The following DHX16 variants were observed in gnomAD, a reference collection of about 807,000 sequenced individuals.
DHX16 encodes the protein DEAH-box helicase 16, also known as pre-mRNA-splicing factor ATP-dependent RNA helicase DHX16.
In DHX16, 81 loss-of-function variants were observed where a neutral mutation model predicts 131.2. That is an observed-to-expected ratio of 0.62 (90% CI 0.52 to 0.74). DHX16 has a LOEUF of 0.74. DHX16 is among the 30% of genes least tolerant of loss of function. The pLI, the probability that DHX16 is intolerant of heterozygous loss-of-function variation, is 0.00. For missense variants in DHX16, 980 were observed against 1,363.1 expected, an observed-to-expected ratio of 0.72 and a Z score of 4.43; for synonymous variants, 440 against 520.2, an observed-to-expected ratio of 0.85 and a Z score of 2.10.
chr6:30,656,843 T>C lies in DHX16; in HGVS notation c.2149-84A>G. The C allele has an allele frequency of 6.3e-7, 1 of 1,596,672 alleles. No individual in the cohort carries two copies. The highest frequency in any genetic ancestry group is 8.5e-7 in the Non-Finnish European group (1 of 1,171,674). ...TATTTATGCAAGAAATCTGGAAGGATGCAAACTGCTCATCCCGGTTCCCTA... is the reference window on the plus strand; with the variant it reads ...TATTTATGCAAGAAATCTGGAAGGACGCAAACTGCTCATCCCGGTTCCCTA... On this transcript the variant is annotated intron_variant, in intron 13 of 19. Transcript: ENST00000376442. This position sits in a 1 kb window ranked among gnomAD's most constrained non-coding sequence, Gnocchi z 5.1.
In DHX16 at chr6:30,659,725, A is replaced by T. The variant is rs1296483474; in HGVS notation, c.1854+11T>A. The T allele has an allele frequency of 1.2e-6, 2 of 1,613,548 alleles. No individual in the cohort carries two copies. The highest frequency in any genetic ancestry group is 2.7e-5 in the African/African-American group (2 of 74,898). On this transcript the variant is annotated intron_variant, in intron 11 of 19. Coordinates refer to ENST00000376442, the MANE Select transcript of DHX16 (RefSeq NM_003587.5). ...GGATACATCATCCCCTCTCCCCACC[A>T]TGTCAGGCACCTGTCCTGTCAGGAA...
chr6:30,668,685 C>T lies in DHX16; in HGVS notation c.666+1725G>A, dbSNP rs376179065. Among the ~76,000 whole-genome samples the T allele has an allele frequency of 2.5e-4, 38 of 151,964 alleles. 1 individual carries two copies. The South Asian group carries it at 5.6e-3, about 22-fold the overall frequency. ...CCGAAAAATTAAATTCAGGCCAAAACAGTAACACCACTACCACCACAACTG... is the reference window on the plus strand; with the variant it reads ...CCGAAAAATTAAATTCAGGCCAAAATAGTAACACCACTACCACCACAACTG... On this transcript the variant is annotated intron_variant, in intron 4 of 19. Coordinates refer to ENST00000376442, the MANE Select transcript of DHX16 (RefSeq NM_003587.5).
chr6:30,667,930 CAGAG>C (rs1459260011), intron 4 of DHX16, among the ~76,000 whole-genome samples: 1 of 152,156 alleles, frequency 6.6e-6, no homozygotes, highest in African/African-American at 2.4e-5. Flanking sequence ...GTGAGACAGA[CAGAG>C]AGAGAAACAA....
At chr6:30,661,995 C>T (rs1437584260) in intron 9 of DHX16, 1 of 646,182 alleles carries the variant, frequency 1.5e-6, no homozygotes, top group Non-Finnish European at 2.8e-6. Flanking sequence ...TGGCCTGACC[C>T]CACCCCCATT....
Position 30,656,188 on chromosome 6 carries a change from G to C in DHX16, c.2498+10C>G, listed in dbSNP as rs80338226. ...GTGTGCTGGGGGCCCAGGTGGAGGCGAGGGCTTACTTCTCAGAGGCTAAGA... is the reference window on the plus strand; with the variant it reads ...GTGTGCTGGGGGCCCAGGTGGAGGCCAGGGCTTACTTCTCAGAGGCTAAGA... On this transcript the variant is annotated intron_variant, in intron 16 of 19. Transcript: ENST00000376442. This position sits in a 1 kb window ranked among gnomAD's most constrained non-coding sequence, Gnocchi z 5.1. 1.2e-6 allele frequency: 2 copies of C among 1,612,300 alleles called. No individual in the cohort carries two copies. Among genetic ancestry groups the C allele is most frequent in the Non-Finnish European group, 1.7e-6 (2 of 1,179,912 alleles).
Position 30,655,339 on chromosome 6 carries a change from G to A in DHX16, c.2662-3C>T. ...GAAGAGTAACCACTCTCAGCCCACT[G>A]GGAAGACAGTTAAAAAGAAAGGAGA... On this transcript the variant is annotated splice_region_variant and splice_polypyrimidine_tract_variant and intron_variant, in intron 17 of 19. Transcript: ENST00000376442. 1 of 1,613,988 alleles carries A rather than the reference G, an allele frequency of 6.2e-7. No individual in the cohort carries two copies. The highest frequency in any genetic ancestry group is 1.3e-5 in the African/African-American group (1 of 74,996).
chr6:30,666,847 C>A (rs1769089856), intron 4 of DHX16, among the ~76,000 whole-genome samples: 1 of 152,104 alleles, frequency 6.6e-6, no homozygotes, highest in Non-Finnish European at 1.5e-5. Context: ...CCTTAAGGGG[C>A]CTGGTTCTAT....
chr6:30,667,917 A>G (rs1052861722), intron 4 of DHX16, among the ~76,000 whole-genome samples: 5 of 152,222 alleles, frequency 3.3e-5, no homozygotes, highest in Admixed American at 2.0e-4. Context: ...AGGACACTGC[A>G]AGGTGAGACA....
chr6:30,667,146 A>G (rs898376806), intron 4 of DHX16, among the ~76,000 whole-genome samples: 5 of 152,170 alleles, frequency 3.3e-5, no homozygotes, highest in African/African-American at 7.2e-5. Flanking sequence ...CAAACGCCTT[A>G]CTCTAAAAAT....
At position 30,662,558 on chromosome 6, in the gene DHX16, TA is replaced by T; in HGVS notation, c.1544+68del. The T allele has an allele frequency of 7.5e-7, 1 of 1,328,894 alleles. No homozygotes were observed. Among genetic ancestry groups the T allele is most frequent in the Non-Finnish European group, 1.1e-6 (1 of 928,366 alleles). The allele number at this position is 1,328,894 out of a possible 1,614,324, so 82.3% of individuals were successfully genotyped here. ...CACAAAGATTCAAGAACGGGTGGAT[TA>T]ATCAGAAGACAATGGCTGAATTGGC... On this transcript the variant is annotated intron_variant, in intron 9 of 19. Transcript: ENST00000376442. The surrounding 1 kb of genome is among the most constrained non-coding windows in gnomAD (Gnocchi z 4.7).
At chr6:30,661,606 G>A (rs1044844795) in intron 9 of DHX16, 27 of 625,494 alleles carry the variant, frequency 4.3e-5, no homozygotes, top group Non-Finnish European at 7.3e-5. Context: ...ACAGGACTCT[G>A]CATGCTCCTT....
intron 4 of DHX16, among the ~76,000 whole-genome samples, chr6:30,667,870 AAC>A (rs1769190126): frequency 6.6e-6 from 1 of 152,206 alleles, no homozygotes; most frequent in Non-Finnish European, 1.5e-5. Flanking sequence ...AGAAGTACTT[AAC>A]ACCACAAGAT....
rs1215091475 is a variant in DHX16 at position 30,672,892 on chromosome 6, C to T, written c.-51G>A. On this transcript the variant is annotated 5_prime_UTR_variant, in exon 1 of 20. Coordinates refer to ENST00000376442, the MANE Select transcript of DHX16 (RefSeq NM_003587.5). ...CCCTGAAGCGTCGGGCAGCCGCGCT[C>T]ACTGCTGGGCCGGTCAGAGGCCTGG... 6.2e-7 allele frequency: 1 copy of T among 1,604,006 alleles called. No individual in the cohort carries two copies. Among genetic ancestry groups the T allele is most frequent in the East Asian group, 2.3e-5 (1 of 44,152 alleles).
At chr6:30,663,602 T>G (rs1307340255) in intron 7 of DHX16, among the ~76,000 whole-genome samples, 1 of 151,658 alleles carries the variant, frequency 6.6e-6, no homozygotes, top group African/African-American at 2.4e-5. Flanking sequence ...ATGCCTGTAT[T>G]TCCAGCTACT....
Position 30,665,351 on chromosome 6 carries a change from C to T in DHX16, c.922-77G>A. ...CCTCTCCCCTCTTCCCATTACTACC[C>T]CCGCCCACTGCCCATTGGGAACGGC... is the stretch of plus-strand genomic sequence containing the variant. On this transcript the variant is annotated intron_variant, in intron 5 of 19. Transcript: ENST00000376442. This position sits in a 1 kb window ranked among gnomAD's most constrained non-coding sequence, Gnocchi z 4.8. The T allele has an allele frequency of 6.3e-7, 1 of 1,587,992 alleles. No homozygotes were observed. Among genetic ancestry groups the T allele is most frequent in the Non-Finnish European group, 8.6e-7 (1 of 1,168,392 alleles).
chr6:30,663,081 G>A (rs1768674811), intron 7 of DHX16, 60 bp from the exon 8 acceptor site: 2 of 1,323,684 alleles, frequency 1.5e-6, no homozygotes, highest in Non-Finnish European at 2.1e-6. Context: ...CCTGGGACCA[G>A]GTACATTTCA....
chr6:30,667,956 A>G lies in DHX16; in HGVS notation c.667-2223T>C, dbSNP rs1169216334. On this transcript the variant is annotated intron_variant, in intron 4 of 19. Transcript: ENST00000376442. ...AGAGAGAGAAACAAACTTAACATCT[A>G]AGACCCAAATGCAATGCATGAACCT... 2.0e-5 allele frequency among the ~76,000 whole-genome samples: 3 copies of G among 152,204 alleles called. No homozygotes were observed. The East Asian group carries it at 5.8e-4, about 29-fold the overall frequency.
At position 30,653,259 on chromosome 6, in the gene DHX16, G is replaced by C; in HGVS notation, c.3109C>G (p.Arg1037Gly). The change falls in exon 20 of 20, where the codon CGA becomes GGA. Residue 1037 changes from arginine to glycine, a missense_variant. Around this residue, in one of 3 missense-constraint regions of DHX16, gnomAD observed 214 missense variants for 271.2 expected, o/e 0.79. Transcript: ENST00000376442. ...KKMPKKIGKT[R>G]EELG ...TCCTTCTCTTACCCTAGCTCTTCTCGTGTTTTGCCTATTTTTTTGGGCATT... is the reference window on the plus strand; with the variant it reads ...TCCTTCTCTTACCCTAGCTCTTCTCCTGTTTTGCCTATTTTTTTGGGCATT... 1.2e-6 allele frequency: 2 copies of C among 1,612,848 alleles called. No individual in the cohort carries two copies. The highest frequency in any genetic ancestry group is 1.7e-6 in the Non-Finnish European group (2 of 1,179,996).
intron 7 of DHX16, 23 bp downstream of exon 7, chr6:30,664,778 G>A: frequency 1.9e-6 from 3 of 1,596,496 alleles, no homozygotes; most frequent in Non-Finnish European, 2.6e-6. Flanking sequence ...GCCCTGGCAA[G>A]CTGAAGGGTG....
Sources: gnomAD v4.1 joint callset for allele counts (sites outside exome capture counted in the v4.1 genomes callset) on GRCh38, gnomAD v4.1.1 for gene constraint, gnomAD v4.1.1 regional missense constraint, Gnocchi (gnomAD v3.1) non-coding constraint, MANE v1.5 for transcripts, NCBI Gene and HGNC (gene_info 2026-07-23, HGNC 2026-07-21) for gene names.